Variants in HDAC5 observed in about 807,000 individuals in gnomAD.
The protein encoded by HDAC5 is antigen NY-CO-9.
HDAC5 carries 25 observed loss-of-function variants against 133.3 expected under a neutral mutation model. The ratio of observed to expected loss-of-function variants is 0.19; its 90% confidence interval spans 0.14 to 0.26. HDAC5 has a LOEUF of 0.26. Ranked by LOEUF, HDAC5 falls within the 10% of genes least tolerant of loss-of-function variation. HDAC5 has a pLI of 1.00. For missense variants in HDAC5, 1,041 were observed against 1,460.5 expected (o/e 0.71, Z 4.68); for synonymous variants, 589 against 610.8 (o/e 0.96, Z 0.53).
At chr17:44,121,180 G>A (rs901621458) in intron 1 of HDAC5, among the ~76,000 whole-genome samples, 7 of 151,710 alleles carry the variant, frequency 4.6e-5, no homozygotes, top group African/African-American at 1.2e-4. Flanking sequence ...GGCAGAAGAC[G>A]GGGTCTGTTT....
intron 3 of HDAC5, among the ~76,000 whole-genome samples, chr17:44,095,332 T>C (rs1322979499): frequency 6.6e-6 from 1 of 152,186 alleles, no homozygotes. Context: ...CTCAACACCG[T>C]GCCCCATGCA....
chr17:44,120,966 G>A (rs990802179), intron 1 of HDAC5, among the ~76,000 whole-genome samples: 3 of 152,064 alleles, frequency 2.0e-5, no homozygotes, highest in East Asian at 1.9e-4. Context: ...ACCAGGGAAA[G>A]GGGGAGGGTG....
intron 12 of HDAC5, 65 bp downstream of exon 12, chr17:44,088,322 A>G (rs2050767853): frequency 3.3e-6 from 5 of 1,506,530 alleles, no homozygotes; most frequent in African/African-American, 1.4e-5. Flanking sequence ...CTTTTCTGCC[A>G]GCCTGGTACT....
intron 18 of HDAC5, among the ~76,000 whole-genome samples, chr17:44,083,211 T>C (rs1269489692): frequency 1.3e-5 from 2 of 152,122 alleles, no homozygotes; most frequent in African/African-American, 4.8e-5. Flanking sequence ...GCTCAAGCTA[T>C]CTGCCCACCT....
intron 2 of HDAC5, among the ~76,000 whole-genome samples, chr17:44,114,555 G>A (rs1446546786): frequency 6.6e-6 from 1 of 152,206 alleles, no homozygotes; most frequent in African/African-American, 2.4e-5. Context: ...CCCACACTGG[G>A]GAGAAGGATC....
At chr17:44,084,529 G>C in intron 16 of HDAC5, 26 bp downstream of exon 16, 2 of 1,612,546 alleles carry the variant, frequency 1.2e-6, no homozygotes, top group South Asian at 2.2e-5. Flanking sequence ...GAACATGCCT[G>C]CCCGCCCACC....
chr17:44,082,838 G>C lies in HDAC5; in HGVS notation c.2464-18C>G. ...AATCCATTCTGAAGAGGTGCAGGCAGAGGTGAGGGGCAAGATCCAGGCAGG... is the reference window on the plus strand; with the variant it reads ...AATCCATTCTGAAGAGGTGCAGGCACAGGTGAGGGGCAAGATCCAGGCAGG... On this transcript the variant is annotated intron_variant, in intron 18 of 26. Transcript: ENST00000682912. 1 of 1,551,990 alleles carries C rather than the reference G, an allele frequency of 6.4e-7. No individual in the cohort carries two copies. Among genetic ancestry groups the C allele is most frequent in the Non-Finnish European group, 8.7e-7 (1 of 1,147,076 alleles).
At chr17:44,084,823 T>C in intron 15 of HDAC5, 148 bp from the exon 16 acceptor site, 1 of 1,277,964 alleles carries the variant, frequency 7.8e-7, no homozygotes, top group Non-Finnish European at 1.1e-6. Flanking sequence ...GTCATGACCT[T>C]ACTCCCGGAT....
intron 2 of HDAC5, among the ~76,000 whole-genome samples, chr17:44,115,656 GA>G (rs2052602842): frequency 6.6e-6 from 1 of 152,214 alleles, no homozygotes; most frequent in Non-Finnish European, 1.5e-5. Flanking sequence ...CACTCTGCAG[GA>G]AGGGCCTCAA....
At chr17:44,112,665 G>GCC (rs1387727071) in intron 2 of HDAC5, among the ~76,000 whole-genome samples, 2 of 152,184 alleles carry the variant, frequency 1.3e-5, no homozygotes, top group Admixed American at 6.5e-5. Context: ...GCCAGCTTCT[G>GCC]CCAGTCAGGG....
chr17:44,080,266 G>A, intron 22 of HDAC5, 41 bp from the exon 23 acceptor site: 1 of 1,581,028 alleles, frequency 6.3e-7, no homozygotes, highest in Non-Finnish European at 8.7e-7. Context: ...CAGATGACCA[G>A]GCCAGGCCTC....
chr17:44,092,558 G>A (rs371974776), intron 7 of HDAC5, 31 bp from the exon 8 acceptor site: 39 of 1,602,500 alleles, frequency 2.4e-5, no homozygotes, highest in East Asian at 6.7e-5. Context: ...GTTCAGATAC[G>A]CGCACAGCAG....
At chr17:44,114,734 G>T (rs1449877973) in intron 2 of HDAC5, among the ~76,000 whole-genome samples, 1 of 152,202 alleles carries the variant, frequency 6.6e-6, no homozygotes, top group Non-Finnish European at 1.5e-5. Context: ...TCTGAGCTGA[G>T]GGAAAGTTCT....
intron 11 of HDAC5, among the ~76,000 whole-genome samples, chr17:44,089,157 A>G (rs543917691): frequency 2.6e-5 from 4 of 152,360 alleles, no homozygotes; most frequent in South Asian, 2.1e-4. Flanking sequence ...GAAATGTGAT[A>G]TAAGTGTGAA....
chr17:44,082,390 G>A (rs866566664), intron 20 of HDAC5, 195 bp downstream of exon 20: 2 of 596,098 alleles, frequency 3.4e-6, no homozygotes, highest in South Asian at 2.0e-5. Flanking sequence ...TAGTTGAGGA[G>A]GGAGCCCTGT....
At chr17:44,104,202 G>T (rs533218433) in intron 3 of HDAC5, among the ~76,000 whole-genome samples, 1 of 152,036 alleles carries the variant, frequency 6.6e-6, no homozygotes, top group Non-Finnish European at 1.5e-5. Flanking sequence ...ATACTCGGGA[G>T]ACTGAGGCAG....
At chr17:44,111,668 T>C in intron 2 of HDAC5, 1 of 517,516 alleles carries the variant, frequency 1.9e-6, no homozygotes. Context: ...CATGGAGGTT[T>C]GCTTAACTTC....
rs1229766201 is a variant in HDAC5, at chr17:44,088,561, T to C, written c.1425A>G (p.Glu475=). 6.2e-7 allele frequency: 1 copy of C among 1,613,382 alleles called. No individual in the cohort carries two copies. The highest frequency in any genetic ancestry group is 1.3e-5 in the African/African-American group (1 of 74,916). ...CCGTCCGCATGCTGGTGGCCACACG[T>C]TCACCCGTCACTAGTGGGGACTGCC... ...LHGQSPLVTG[E]RVATSMRTVG... Residue 475 remains glutamate (E), a synonymous_variant, in exon 12 of 27, where the codon GAA becomes GAG. Transcript: ENST00000682912.
intron 3 of HDAC5, among the ~76,000 whole-genome samples, chr17:44,107,384 C>A (rs554347374): frequency 6.6e-6 from 1 of 152,180 alleles, no homozygotes; most frequent in East Asian, 1.9e-4. Flanking sequence ...CTGAGGCAGG[C>A]GGATCACGAG....
Sources: allele counts gnomAD v4.1 joint callset (sites outside exome capture counted in the v4.1 genomes callset), GRCh38; gene constraint gnomAD v4.1.1; transcripts MANE v1.5; gene names NCBI Gene and HGNC (gene_info 2026-07-23, HGNC 2026-07-21).